The following PECAM1 variants were observed in gnomAD, a reference collection of about 807,000 sequenced individuals.
PECAM1 encodes the protein platelet and endothelial cell adhesion molecule 1, also known as platelet endothelial cell adhesion molecule.
Under a neutral mutation model 13.8 loss-of-function variants are expected in PECAM1, and 8 were observed. The observed-to-expected ratio is 0.58, with a 90% CI of 0.34 to 1.05. PECAM1 has a LOEUF of 1.05. Ranked by LOEUF, PECAM1 falls within the 50% of genes least tolerant of loss-of-function variation. The pLI, the probability that PECAM1 is intolerant of heterozygous loss-of-function variation, is 0.03. For missense variants in PECAM1, 304 were observed against 141.2 expected (o/e 2.15, Z -5.84); for synonymous variants, 136 against 52.6 (o/e 2.58, Z -6.86).
chr17:64,335,701 C>G (rs1002577969), intron 14 of PECAM1, among the ~76,000 whole-genome samples: 39 of 152,272 alleles, frequency 2.6e-4, no homozygotes, highest in Middle Eastern at 3.4e-3. Flanking sequence ...ATAATAGAAC[C>G]CCCATCAACT....
At chr17:64,370,134 C>G (rs2036207761) in intron 4 of PECAM1, 109 bp from the exon 5 acceptor site, 1 of 397,702 alleles carries the variant, frequency 2.5e-6, no homozygotes, top group Non-Finnish European at 4.4e-6. Flanking sequence ...TTGTTCCTAA[C>G]TAACTTTAAA....
At chr17:64,375,471 T>G in intron 3 of PECAM1, 115 bp from the exon 4 acceptor site, 1 of 397,688 alleles carries the variant, frequency 2.5e-6, no homozygotes, top group Non-Finnish European at 4.4e-6. Context: ...AGTTGACCCA[T>G]GAGAGGGCTC....
At chr17:64,345,912 G>A (rs1257756024) in intron 13 of PECAM1, among the ~76,000 whole-genome samples, 1 of 152,006 alleles carries the variant, frequency 6.6e-6, no homozygotes, top group African/African-American at 2.4e-5. Flanking sequence ...GGGCATCCCT[G>A]TAAGGAAAGT....
intron 15 of PECAM1, among the ~76,000 whole-genome samples, chr17:64,328,205 A>G (rs2035009583): frequency 6.6e-6 from 1 of 152,224 alleles, no homozygotes; most frequent in Non-Finnish European, 1.5e-5. Flanking sequence ...GACAAAGTAA[A>G]TAAGTTGGTC....
chr17:64,358,111 CTTT>C (rs141671796), intron 7 of PECAM1, among the ~76,000 whole-genome samples: 19 of 71,536 alleles, frequency 2.7e-4, no homozygotes, highest in African/African-American at 9.6e-4. Flanking sequence ...TGGCCACAGT[CTTT>C]TTTTTTTTTT....
Position 64,322,003 on chromosome 17 carries a change from T to C in PECAM1, c.*1813A>G, listed in dbSNP as rs547152289. ...CCCACCACTCAGAAAACCTGGAAATTGTATGACATTTTCGTGATACAACTC... is the reference window on the plus strand; with the variant it reads ...CCCACCACTCAGAAAACCTGGAAATCGTATGACATTTTCGTGATACAACTC... On this transcript the variant is annotated 3_prime_UTR_variant, in exon 16 of 16. Coordinates refer to ENST00000563924, the MANE Select transcript of PECAM1 (RefSeq NM_000442.5). 1 of 1,244,194 alleles carries C rather than the reference T, an allele frequency of 8.0e-7. No homozygotes were observed. Among genetic ancestry groups the C allele is most frequent in the South Asian group, 1.3e-5 (1 of 76,058 alleles). 77.1% of individuals were successfully genotyped at this position (1,244,194 alleles called of 1,614,324 possible). A position where few individuals can be genotyped will look rare whatever the true frequency, so the allele number is the denominator to read the frequency against.
chr17:64,353,178 T>G lies in PECAM1; in HGVS notation c.1916+313A>C, dbSNP rs2035766753. 2.6e-5 allele frequency among the ~76,000 whole-genome samples: 4 copies of G among 152,200 alleles called. No individual in the cohort carries two copies. In the South Asian group the frequency reaches 8.3e-4, roughly 32 times the overall value. On this transcript the variant is annotated intron_variant, in intron 10 of 15. Coordinates refer to ENST00000563924, the MANE Select transcript of PECAM1 (RefSeq NM_000442.5). Reference sequence around the variant, plus strand: ...CTCTATTTTGTCAAATTTTAAAAAATTTATCTACTACCATTATAATTTCAT... The same window carrying G: ...CTCTATTTTGTCAAATTTTAAAAAAGTTATCTACTACCATTATAATTTCAT...
chr17:64,367,414 G>C (rs999581667), intron 5 of PECAM1, among the ~76,000 whole-genome samples: 5 of 152,038 alleles, frequency 3.3e-5, no homozygotes, highest in African/African-American at 9.7e-5. Context: ...TCTAGGTGTG[G>C]TGGTGCATGC....
intron 9 of PECAM1, among the ~76,000 whole-genome samples, chr17:64,354,244 T>A (rs951910595): frequency 6.6e-6 from 1 of 152,072 alleles, no homozygotes; most frequent in Non-Finnish European, 1.5e-5. Flanking sequence ...GCCTGACCAC[T>A]CTCTTTGATT....
intron 15 of PECAM1, among the ~76,000 whole-genome samples, chr17:64,328,000 C>G (rs2035003698): frequency 6.6e-6 from 1 of 152,224 alleles, no homozygotes; most frequent in East Asian, 1.9e-4. Flanking sequence ...TTCAAAATTC[C>G]TTTCCCAACG....
chr17:64,367,206 T>C (rs2036128907), intron 5 of PECAM1, among the ~76,000 whole-genome samples: 1 of 152,088 alleles, frequency 6.6e-6, no homozygotes. Context: ...TTCAAAGTGC[T>C]TACATTTAGT....
At chr17:64,368,931 C>T (rs1399850862) in intron 5 of PECAM1, among the ~76,000 whole-genome samples, 67 of 75,014 alleles carry the variant, frequency 8.9e-4, no homozygotes, top group African/African-American at 2.0e-3. Context: ...ATTGTCATTT[C>T]TTTTTTTTTT....
At chr17:64,324,041 G>A (rs562210574) in intron 15 of PECAM1, 196 bp from the exon 16 acceptor site, 86 of 853,450 alleles carry the variant, frequency 1.0e-4, no homozygotes, top group Admixed American at 3.6e-4. Flanking sequence ...ACAGATACAC[G>A]TGGCCCCTCA....
At chr17:64,374,822 AGCATCATATATATT>A in intron 4 of PECAM1, among the ~76,000 whole-genome samples, 3 of 152,164 alleles carry the variant, frequency 2.0e-5, no homozygotes, top group Non-Finnish European at 4.4e-5. Flanking sequence ...ACAAACAAAA[AGCATCATATATATT>A]AAGAGTAAAG....
chr17:64,367,857 A>G (rs1423187660), intron 5 of PECAM1, among the ~76,000 whole-genome samples: 1 of 152,218 alleles, frequency 6.6e-6, no homozygotes, highest in Admixed American at 6.5e-5. Flanking sequence ...AAAAAATACC[A>G]TGAGCCATCA....
intron 14 of PECAM1, among the ~76,000 whole-genome samples, chr17:64,333,674 G>GC (rs2035187998): frequency 6.6e-6 from 1 of 151,170 alleles, no homozygotes; most frequent in Non-Finnish European, 1.5e-5. Context: ...ATTGTAAAAA[G>GC]TAAAAAAAAA....
At chr17:64,383,553 C>G (rs2036528997) in intron 2 of PECAM1, among the ~76,000 whole-genome samples, 1 of 152,196 alleles carries the variant, frequency 6.6e-6, no homozygotes, top group South Asian at 2.1e-4. Flanking sequence ...GTTCAGAGAA[C>G]AGTGAGGCTG....
intron 5 of PECAM1, among the ~76,000 whole-genome samples, chr17:64,368,456 C>A (rs1326217763): frequency 6.6e-6 from 1 of 152,046 alleles, no homozygotes; most frequent in Non-Finnish European, 1.5e-5. Context: ...CCCTGTAATC[C>A]TTCGTTGAGT....
intron 5 of PECAM1, among the ~76,000 whole-genome samples, chr17:64,367,168 T>C (rs954217987): frequency 6.6e-6 from 1 of 152,110 alleles, no homozygotes; most frequent in Non-Finnish European, 1.5e-5. Context: ...CACTGAGAGA[T>C]AGCAGTGAAT....
Sources: gnomAD v4.1 joint callset for allele counts (sites outside exome capture counted in the v4.1 genomes callset) on GRCh38, gnomAD v4.1.1 for gene constraint, MANE v1.5 for transcripts, NCBI Gene and HGNC (gene_info 2026-07-23, HGNC 2026-07-21) for gene names.